Variants in TMC2 observed in about 807,000 individuals in gnomAD.
TMC2 encodes transmembrane channel-like protein 2.
Under a neutral mutation model 105.9 loss-of-function variants are expected in TMC2, and 102 were observed. That is an observed-to-expected ratio of 0.96 (90% CI 0.82 to 1.14). The LOEUF is 1.14. Among genes scored for constraint, TMC2 ranks in the 50% most tolerant of loss-of-function variants. The pLI is 0.00. For missense variants in TMC2, 1,093 were observed against 1,134.3 expected, an observed-to-expected ratio of 0.96 and a Z score of 0.52; for synonymous variants, 402 against 422.8, an observed-to-expected ratio of 0.95 and a Z score of 0.60.
At position 2,536,618 on chromosome 20, in the gene TMC2, G is replaced by T; in HGVS notation, c.-4G>T. The T allele has an allele frequency of 6.4e-7, 1 of 1,572,008 alleles. No individual in the cohort carries two copies. The highest frequency in any genetic ancestry group is 1.2e-5 in the South Asian group (1 of 85,248). On this transcript the variant is annotated 5_prime_UTR_variant, in exon 1 of 20. Coordinates refer to ENST00000358864, the MANE Select transcript of TMC2 (RefSeq NM_080751.3). Reference sequence around the variant, plus strand: ...TGTGCAGGACCCCAGCAGTGCTGCTGACCATGAGCCACCAGGTAAAGGGCC... The same window carrying T: ...TGTGCAGGACCCCAGCAGTGCTGCTTACCATGAGCCACCAGGTAAAGGGCC...
At chr20:2,582,038 AAGAAGGGAAATAGGGG>A (rs1401925350) in intron 7 of TMC2, among the ~76,000 whole-genome samples, 2 of 152,044 alleles carry the variant, frequency 1.3e-5, no homozygotes, top group African/African-American at 4.8e-5. Context: ...AGGAGAAGGG[AAGAAGGGAAATAGGGG>A]AGAAGGGAAG....
chr20:2,545,988 G>A (rs1035353570), intron 2 of TMC2, among the ~76,000 whole-genome samples: 10 of 152,214 alleles, frequency 6.6e-5, no homozygotes, highest in African/African-American at 2.2e-4. Context: ...TAAGATCTTT[G>A]AAAGCAGATA....
At chr20:2,545,446 C>T (rs2085916697) in intron 2 of TMC2, among the ~76,000 whole-genome samples, 1 of 152,116 alleles carries the variant, frequency 6.6e-6, no homozygotes, top group African/African-American at 2.4e-5. Context: ...TTTTAGTTTA[C>T]AAAGGTAACA....
intron 10 of TMC2, among the ~76,000 whole-genome samples, 166 bp downstream of exon 10, chr20:2,597,464 CGTGGCTG>C (rs1048908371): frequency 6.6e-6 from 1 of 151,970 alleles, no homozygotes; most frequent in Non-Finnish European, 1.5e-5. Context: ...TAAGAATGTT[CGTGGCTG>C]GTGCCCACTG....
intron 17 of TMC2, among the ~76,000 whole-genome samples, chr20:2,628,349 A>G (rs1025116645): frequency 6.6e-6 from 1 of 152,068 alleles, no homozygotes; most frequent in Non-Finnish European, 1.5e-5. Flanking sequence ...TTTTGTTATG[A>G]TAAATTAGGA....
rs2086278042 is a variant in TMC2 at position 2,592,680 on chromosome 20, C to T, written c.933+272C>T. The stretch of plus-strand genomic sequence containing the variant: ...CTGCCAGGTCTCTGTAAGGTGATCT[C>T]ACGGTATGCTTTTCTTTCCTCATTC... On this transcript the variant is annotated intron_variant, in intron 8 of 19. Transcript: ENST00000358864. The surrounding 1 kb of genome is among the most constrained non-coding windows in gnomAD (Gnocchi z 4.9). Among the ~76,000 whole-genome samples the T allele has an allele frequency of 6.6e-6, 1 of 152,144 alleles. No homozygotes were observed. The highest frequency in any genetic ancestry group is 1.5e-5 in the Non-Finnish European group (1 of 68,030).
Position 2,617,175 on chromosome 20 carries a change from C to T in TMC2, c.2044C>T (p.His682Tyr). The T allele has an allele frequency of 2.5e-6, 4 of 1,614,230 alleles. No individual in the cohort carries two copies. The highest frequency in any genetic ancestry group is 3.4e-6 in the Non-Finnish European group (4 of 1,180,050). The change falls in exon 16 of 20, where the codon CAT becomes TAT. Residue 682 changes from histidine to tyrosine, a missense_variant. His to Tyr is a moderately conservative substitution (Grantham distance 83). Coordinates refer to ENST00000358864, the MANE Select transcript of TMC2 (RefSeq NM_080751.3). The part of the protein sequence containing the change: ...CWAVMSSNVP[H>Y]ERVFKASRSN... ...GGCGGTGATGAGCAGCAACGTACCC[C>T]ATGAACGCGTGTTCAAAGCCTCCCG...
At chr20:2,638,296 G>C (rs2086663701) in intron 19 of TMC2, among the ~76,000 whole-genome samples, 1 of 146,368 alleles carries the variant, frequency 6.8e-6, no homozygotes. Context: ...AGCCGAGCTT[G>C]CAATGAGCTG....
intron 11 of TMC2, among the ~76,000 whole-genome samples, chr20:2,606,519 C>T (rs2086393012): frequency 6.6e-6 from 1 of 152,176 alleles, no homozygotes; most frequent in South Asian, 2.1e-4. Flanking sequence ...CTCAGCCTCC[C>T]AAAGTGCTGG....
intron 9 of TMC2, 46 bp from the exon 10 acceptor site, chr20:2,597,105 C>G (rs772041901): frequency 6.3e-7 from 1 of 1,586,170 alleles, no homozygotes; most frequent in Non-Finnish European, 8.6e-7. Flanking sequence ...GGGGGTGACA[C>G]AGCAGAAAGA....
At chr20:2,573,667 TC>T in intron 5 of TMC2, among the ~76,000 whole-genome samples, 1 of 151,022 alleles carries the variant, frequency 6.6e-6, no homozygotes, top group East Asian at 1.9e-4. Flanking sequence ...TTCACGCCAT[TC>T]TCCTGCCTCA....
intron 2 of TMC2, among the ~76,000 whole-genome samples, chr20:2,557,943 G>C (rs1190184117): frequency 6.6e-6 from 1 of 152,190 alleles, no homozygotes; most frequent in Non-Finnish European, 1.5e-5. Flanking sequence ...AATAACAAAA[G>C]ACAGATTAAC....
chr20:2,603,015 T>G (rs1260417532), intron 11 of TMC2, among the ~76,000 whole-genome samples: 1 of 152,192 alleles, frequency 6.6e-6, no homozygotes, highest in Admixed American at 6.5e-5. Flanking sequence ...ATAGTGCTTG[T>G]GTATTGAGAC....
At chr20:2,635,273 G>T (rs2086633510) in intron 17 of TMC2, among the ~76,000 whole-genome samples, 1 of 152,192 alleles carries the variant, frequency 6.6e-6, no homozygotes, top group Non-Finnish European at 1.5e-5. Context: ...GGCCAGACAT[G>T]CTAGGGCACT....
intron 2 of TMC2, among the ~76,000 whole-genome samples, chr20:2,556,893 T>C (rs2085988630): frequency 6.6e-6 from 1 of 152,140 alleles, no homozygotes; most frequent in African/African-American, 2.4e-5. Flanking sequence ...GTCAGCACTT[T>C]AAATATATCA....
At chr20:2,639,197 G>GA (rs549297864) in intron 19 of TMC2, among the ~76,000 whole-genome samples, 2 of 152,150 alleles carry the variant, frequency 1.3e-5, no homozygotes, top group Non-Finnish European at 2.9e-5. Context: ...GTCCGGCCTA[G>GA]AAAAAATATT....
rs906422568 is a variant in TMC2, at chr20:2,641,331, G to A, written c.2701G>A (p.Ala901Thr). 2.5e-6 allele frequency: 4 copies of A among 1,613,446 alleles called. No individual in the cohort carries two copies. The highest frequency in any genetic ancestry group is 1.3e-5 in the African/African-American group (1 of 74,900). The stretch of plus-strand genomic sequence containing the variant: ...GTGGAGGTCAGCCTCTGGAAAGAGT[G>A]CTCAGAGACCTCCCCACTGATGGCT... ...HPWRSASGKSAQRPPH is the reference protein window; with the variant it reads ...HPWRSASGKSTQRPPH Residue 901 changes from alanine (A) to threonine (T), a missense_variant, in exon 20 of 20, where the codon GCT (alanine) becomes ACT (threonine). Coordinates refer to ENST00000358864, the MANE Select transcript of TMC2 (RefSeq NM_080751.3).
chr20:2,605,836 G>T (rs1228348499), intron 11 of TMC2, among the ~76,000 whole-genome samples: 1 of 152,202 alleles, frequency 6.6e-6, no homozygotes, highest in Non-Finnish European at 1.5e-5. Context: ...TACTAAGAGG[G>T]CAGCTTGCTG....
At chr20:2,583,660 A>G (rs1188554839) in intron 7 of TMC2, among the ~76,000 whole-genome samples, 1 of 152,046 alleles carries the variant, frequency 6.6e-6, no homozygotes, top group Non-Finnish European at 1.5e-5. Flanking sequence ...ACGGGATTTC[A>G]GCATCTTGGC....
Sources: gnomAD v4.1 joint callset for allele counts (sites outside exome capture counted in the v4.1 genomes callset) on GRCh38, gnomAD v4.1.1 for gene constraint, Gnocchi (gnomAD v3.1) non-coding constraint, MANE v1.5 for transcripts, NCBI Gene and HGNC (gene_info 2026-07-23, HGNC 2026-07-21) for gene names.